The following UNC5D variants were observed in gnomAD, a reference collection of about 807,000 sequenced individuals.
The protein encoded by UNC5D is netrin receptor UNC5D.
A neutral mutation model predicts 105.4 loss-of-function variants in UNC5D; 39 were observed. The observed-to-expected ratio is 0.37, with a 90% confidence interval of 0.29 to 0.48. The LOEUF (loss-of-function observed/expected upper bound fraction) is 0.48. Among genes scored for constraint, UNC5D ranks in the 20% least tolerant of loss-of-function variants. UNC5D has a pLI of 0.98. For synonymous variants in UNC5D, 452 were observed against 450.4 expected (o/e 1.00, Z -0.04); for missense variants, 991 against 1,202.4 (o/e 0.82, Z 2.60).
intron 1 of UNC5D, among the ~76,000 whole-genome samples, chr8:35,512,535 GTATGTATA>G (rs1292183007): frequency 9.0e-5 from 3 of 33,448 alleles, no homozygotes; most frequent in African/African-American, 4.4e-4. Flanking sequence ...ATTCAGATAT[GTATGTATA>G]TATATATATA....
At chr8:35,294,302 G>A (rs1807302212) in intron 1 of UNC5D, among the ~76,000 whole-genome samples, 1 of 151,994 alleles carries the variant, frequency 6.6e-6, no homozygotes, top group African/African-American at 2.4e-5. Flanking sequence ...TTCTCCTCCA[G>A]ACTAGAGCAT....
chr8:35,498,026 A>T (rs901352868), intron 1 of UNC5D, among the ~76,000 whole-genome samples: 1 of 142,954 alleles, frequency 7.0e-6, no homozygotes, highest in African/African-American at 2.6e-5. Flanking sequence ...ATGAGATTGC[A>T]CCATTGCACT....
chr8:35,466,514 T>C (rs1426674192), intron 1 of UNC5D, among the ~76,000 whole-genome samples: 3 of 152,160 alleles, frequency 2.0e-5, no homozygotes, highest in Non-Finnish European at 4.4e-5. Flanking sequence ...ATTGTAAAAA[T>C]GCAACACATT....
intron 1 of UNC5D, among the ~76,000 whole-genome samples, chr8:35,438,526 T>C (rs1428070738): frequency 1.3e-5 from 2 of 152,028 alleles, no homozygotes; most frequent in Non-Finnish European, 2.9e-5. Flanking sequence ...TGTGGGCATC[T>C]TGTATATAGA....
At chr8:35,612,449 T>A (rs185442081) in intron 4 of UNC5D, among the ~76,000 whole-genome samples, 30 of 152,212 alleles carry the variant, frequency 2.0e-4, no homozygotes, top group African/African-American at 7.2e-4. Context: ...ATCATTTTCC[T>A]TGTTTGATTT....
At position 35,792,487 on chromosome 8, in the gene UNC5D, G is replaced by A. The variant is rs1372429603; in HGVS notation, c.*1924G>A. ...TTTTCACAATACCATGTCAAGATCA[G>A]GAAAACACCCTTTTGCTAGTGTGCT... is the stretch of plus-strand genomic sequence containing the variant. On this transcript the variant is annotated 3_prime_UTR_variant, in exon 17 of 17. Transcript: ENST00000404895. 6.5e-6 allele frequency: 1 copy of A among 153,656 alleles called. No homozygotes were observed. The highest frequency in any genetic ancestry group is 1.4e-5 in the Non-Finnish European group (1 of 69,242). The allele number at this position is 153,656 out of a possible 1,614,324, so 9.5% of individuals were successfully genotyped here. A position where few individuals can be genotyped will look rare whatever the true frequency, so the allele number is the denominator to read the frequency against.
At chr8:35,672,543 G>A (rs569052454) in intron 4 of UNC5D, among the ~76,000 whole-genome samples, 22 of 152,224 alleles carry the variant, frequency 1.4e-4, no homozygotes, top group Non-Finnish European at 2.4e-4. Flanking sequence ...TTGCAGATGG[G>A]AAAAAGCAAA....
chr8:35,270,956 A>G (rs1436199144), intron 1 of UNC5D, among the ~76,000 whole-genome samples: 1 of 151,776 alleles, frequency 6.6e-6, no homozygotes, highest in Admixed American at 6.6e-5. Context: ...ATATATTACT[A>G]TGTTACTGGG....
intron 1 of UNC5D, among the ~76,000 whole-genome samples, chr8:35,478,044 G>GAATT (rs1810238389): frequency 6.6e-6 from 1 of 152,066 alleles, no homozygotes; most frequent in South Asian, 2.1e-4. Context: ...TTTAAGCAAA[G>GAATT]AATTGTGTGC....
intron 1 of UNC5D, among the ~76,000 whole-genome samples, chr8:35,538,440 T>G (rs1304474489): frequency 8.1e-6 from 1 of 123,186 alleles, no homozygotes; most frequent in African/African-American, 3.0e-5. Flanking sequence ...TATATATATA[T>G]GAATTTTATT....
intron 8 of UNC5D, among the ~76,000 whole-genome samples, chr8:35,718,396 C>T (rs1437528775): frequency 2.0e-5 from 3 of 152,086 alleles, no homozygotes; most frequent in Admixed American, 1.3e-4. Flanking sequence ...TAGGTATAAA[C>T]GTATGTGTAA....
intron 4 of UNC5D, among the ~76,000 whole-genome samples, chr8:35,612,622 T>C (rs1820757797): frequency 6.6e-6 from 1 of 150,402 alleles, no homozygotes; most frequent in East Asian, 2.0e-4. Flanking sequence ...TTTGGGAGAA[T>C]CAAAGGTTCT....
chr8:35,787,966 T>C (rs1355211482), intron 16 of UNC5D, among the ~76,000 whole-genome samples: 1 of 152,012 alleles, frequency 6.6e-6, no homozygotes, highest in Non-Finnish European at 1.5e-5. Context: ...TTTCTATTAG[T>C]ATAGCAATGA....
At position 35,745,782 on chromosome 8, in the gene UNC5D, G is replaced by T. The variant is rs1003237605; in HGVS notation, c.1767-2745G>T. On this transcript the variant is annotated intron_variant, in intron 11 of 16. Coordinates refer to ENST00000404895, the MANE Select transcript of UNC5D (RefSeq NM_080872.4). Reference sequence around the variant, plus strand: ...TTCAGTCTACAGACCACACTAGGGTGTATGATACATCGAGGTGGTTCATAT... The same window carrying T: ...TTCAGTCTACAGACCACACTAGGGTTTATGATACATCGAGGTGGTTCATAT... Among the ~76,000 whole-genome samples the T allele has an allele frequency of 3.9e-5, 6 of 152,202 alleles. No homozygotes were observed. In the South Asian group the frequency reaches 8.3e-4, roughly 21 times the overall value.
At chr8:35,578,356 G>C (rs575910866) in intron 3 of UNC5D, among the ~76,000 whole-genome samples, 3 of 150,868 alleles carry the variant, frequency 2.0e-5, no homozygotes, top group African/African-American at 4.9e-5. Context: ...ACACATACCT[G>C]TGTCGAGGAA....
At chr8:35,423,937 C>T (rs1027797265) in intron 1 of UNC5D, among the ~76,000 whole-genome samples, 1 of 150,328 alleles carries the variant, frequency 6.7e-6, no homozygotes, top group Non-Finnish European at 1.5e-5. Flanking sequence ...ACTGCAACTA[C>T]AGGCATGTGC....
chr8:35,726,543 G>T lies in UNC5D; in HGVS notation c.1681+14G>T. On this transcript the variant is annotated intron_variant, in intron 10 of 16. Transcript: ENST00000404895. ...TGCCAAATACAGGTGGGTGGTAAGT[G>T]TGTGTTTGTGTATTTTCCATCATTT... 3 of 1,605,422 alleles carry T rather than the reference G, an allele frequency of 1.9e-6. No homozygotes were observed. Among genetic ancestry groups the T allele is most frequent in the Non-Finnish European group, 2.5e-6 (3 of 1,178,136 alleles).
intron 3 of UNC5D, among the ~76,000 whole-genome samples, chr8:35,572,961 G>A (rs1317697440): frequency 6.6e-6 from 1 of 151,872 alleles, no homozygotes; most frequent in Non-Finnish European, 1.5e-5. Context: ...CCGCCACCAC[G>A]CCCGGCTAAT....
At chr8:35,379,760 T>A (rs927568623) in intron 1 of UNC5D, among the ~76,000 whole-genome samples, 3 of 151,814 alleles carry the variant, frequency 2.0e-5, no homozygotes, top group Non-Finnish European at 4.4e-5. Flanking sequence ...CACAAAGGTG[T>A]GTATGAGGAG....
Sources: gnomAD v4.1 joint callset for allele counts (sites outside exome capture counted in the v4.1 genomes callset) on GRCh38, gnomAD v4.1.1 for gene constraint, MANE v1.5 for transcripts, NCBI Gene and HGNC (gene_info 2026-07-23, HGNC 2026-07-21) for gene names.